Variants in EBF1 observed in about 807,000 individuals in gnomAD.
The protein encoded by EBF1 is EBF transcription factor 1.
Under a neutral mutation model 68.4 loss-of-function variants are expected in EBF1, and 10 were observed. The observed-to-expected ratio is 0.15, with a 90% CI of 0.09 to 0.25. The LOEUF (loss-of-function observed/expected upper bound fraction) is 0.25, where lower values mean the gene tolerates loss of function less well. Among genes scored for constraint, EBF1 ranks in the 10% least tolerant of loss-of-function variants. The pLI is 1.00. For synonymous variants in EBF1, 298 were observed against 299.8 expected, an observed-to-expected ratio of 0.99 and a Z score of 0.06; for missense variants, 509 against 794.4, an observed-to-expected ratio of 0.64 and a Z score of 4.32.
At chr5:158,923,260 T>C (rs1808837692) in intron 6 of EBF1, among the ~76,000 whole-genome samples, 2 of 152,250 alleles carry the variant, frequency 1.3e-5, no homozygotes, top group African/African-American at 4.8e-5. Flanking sequence ...AACAGCTGCC[T>C]GAAAAGCTTC....
At chr5:158,881,483 G>A (rs1236854482) in intron 6 of EBF1, among the ~76,000 whole-genome samples, 1 of 152,194 alleles carries the variant, frequency 6.6e-6, no homozygotes, top group African/African-American at 2.4e-5. Flanking sequence ...CTCCTCCTCT[G>A]TGTTAGTACA....
At chr5:158,741,651 C>T (rs542488962) in intron 10 of EBF1, among the ~76,000 whole-genome samples, 1 of 151,466 alleles carries the variant, frequency 6.6e-6, no homozygotes, top group African/African-American at 2.4e-5. Context: ...TATACAGTAT[C>T]TGATGTACTT....
intron 8 of EBF1, among the ~76,000 whole-genome samples, chr5:158,799,938 A>T (rs990505750): frequency 6.6e-6 from 1 of 152,082 alleles, no homozygotes; most frequent in African/African-American, 2.4e-5. Context: ...GCTGGCTTTA[A>T]CTCACAGGCT....
chr5:158,921,764 T>A (rs531311083), intron 6 of EBF1, among the ~76,000 whole-genome samples: 1 of 152,184 alleles, frequency 6.6e-6, no homozygotes, highest in Non-Finnish European at 1.5e-5. Context: ...TGGTCTGAGA[T>A]CTTCAACACC....
At chr5:158,833,332 A>T (rs1005123267) in intron 7 of EBF1, among the ~76,000 whole-genome samples, 1 of 151,586 alleles carries the variant, frequency 6.6e-6, no homozygotes, top group Non-Finnish European at 1.5e-5. Flanking sequence ...AGAGGTTTTC[A>T]TCTCCCACCC....
chr5:158,982,013 T>G (rs564225490), intron 6 of EBF1, among the ~76,000 whole-genome samples: 1 of 152,338 alleles, frequency 6.6e-6, no homozygotes, highest in African/African-American at 2.4e-5. Flanking sequence ...TCCAGTTCAC[T>G]CAATCAGAAC....
At chr5:159,068,965 A>G (rs1249341420) in intron 6 of EBF1, among the ~76,000 whole-genome samples, 1 of 152,134 alleles carries the variant, frequency 6.6e-6, no homozygotes, top group Non-Finnish European at 1.5e-5. Flanking sequence ...ACATAGATAC[A>G]GGAATTCTTA....
chr5:158,737,912 T>C (rs1167734033), intron 10 of EBF1, among the ~76,000 whole-genome samples: 1 of 152,144 alleles, frequency 6.6e-6, no homozygotes, highest in African/African-American at 2.4e-5. Flanking sequence ...TAACAATTCT[T>C]GGAGAAGTAA....
At position 158,780,741 on chromosome 5, in the gene EBF1, A is replaced by G. The variant is rs141484229; in HGVS notation, c.910-3202T>C. Among the ~76,000 whole-genome samples the G allele has an allele frequency of 2.2e-3, 332 of 152,282 alleles. 4 individuals carry two copies. The highest frequency in any genetic ancestry group is 7.8e-3 in the African/African-American group (325 of 41,582). On this transcript the variant is annotated intron_variant, in intron 9 of 15. Transcript: ENST00000313708. ...CTTTATCCCTTTAATAAAAATCATAATTATGGAATAAAACAAAGATTAAAA... is the reference window on the plus strand; with the variant it reads ...CTTTATCCCTTTAATAAAAATCATAGTTATGGAATAAAACAAAGATTAAAA...
chr5:158,835,949 G>T lies in EBF1; in HGVS notation c.636+4080C>A, dbSNP rs145741210. Among the ~76,000 whole-genome samples, 457 of 152,148 alleles carry T rather than the reference G, an allele frequency of 3.0e-3. 4 individuals carry two copies. Among genetic ancestry groups the T allele is most frequent in the African/African-American group, 0.011 (443 of 41,500 alleles). ...AAATGTTAGCTTTATCATCATCATC[G>T]CTACCAATATCGATAGAAGCACATA... is the stretch of plus-strand genomic sequence containing the variant. On this transcript the variant is annotated intron_variant, in intron 7 of 15. Transcript: ENST00000313708.
intron 6 of EBF1, among the ~76,000 whole-genome samples, chr5:158,901,829 G>A (rs892433824): frequency 9.2e-5 from 14 of 152,146 alleles, no homozygotes; most frequent in Admixed American, 2.0e-4. Context: ...GGTGGCTCAC[G>A]CCTGTAATAC....
intron 6 of EBF1, among the ~76,000 whole-genome samples, chr5:159,062,561 A>AG (rs1197057238): frequency 6.6e-6 from 1 of 152,198 alleles, no homozygotes; most frequent in African/African-American, 2.4e-5. Context: ...CCTGCCTGAA[A>AG]GAAAAACTGG....
At chr5:158,906,468 A>G (rs994512015) in intron 6 of EBF1, among the ~76,000 whole-genome samples, 1 of 152,160 alleles carries the variant, frequency 6.6e-6, no homozygotes, top group Non-Finnish European at 1.5e-5. Context: ...AGGTGCTGTC[A>G]CTTACCTGAA....
intron 6 of EBF1, among the ~76,000 whole-genome samples, chr5:158,989,558 CG>C (rs1191344217): frequency 1.3e-5 from 2 of 152,158 alleles, no homozygotes; most frequent in African/African-American, 2.4e-5. Context: ...AGAAACCTGG[CG>C]GGGACACAGC....
chr5:159,096,852 AC>A (rs1390759745), intron 2 of EBF1, 121 bp downstream of exon 2: 19 of 1,290,314 alleles, frequency 1.5e-5, no homozygotes, highest in Non-Finnish European at 2.0e-5. Flanking sequence ...GGCTTGGGGG[AC>A]CCCCACATAG....
chr5:158,950,702 C>T (rs34413969), intron 6 of EBF1, among the ~76,000 whole-genome samples: 79,788 of 152,002 alleles, frequency 0.52, 21,423 homozygotes, highest in South Asian at 0.7. Flanking sequence ...AAATGAGTGG[C>T]GGGAACCATC....
chr5:158,761,110 T>C (rs1023573431), intron 10 of EBF1, among the ~76,000 whole-genome samples: 4 of 152,186 alleles, frequency 2.6e-5, no homozygotes, highest in African/African-American at 4.8e-5. Context: ...AGAGGCAGGA[T>C]TGATCAGCAC....
intron 10 of EBF1, among the ~76,000 whole-genome samples, chr5:158,737,818 C>G (rs1765535268): frequency 1.3e-5 from 2 of 152,106 alleles, no homozygotes. Flanking sequence ...TGAAACAAAG[C>G]AGGGGCACTC....
intron 9 of EBF1, among the ~76,000 whole-genome samples, chr5:158,782,245 T>C (rs1776581442): frequency 6.6e-6 from 1 of 152,212 alleles, no homozygotes; most frequent in South Asian, 2.1e-4. Flanking sequence ...ATGATATTGA[T>C]ACTATAATAC....
Sources: gnomAD v4.1 joint callset for allele counts (sites outside exome capture counted in the v4.1 genomes callset) on GRCh38, gnomAD v4.1.1 for gene constraint, MANE v1.5 for transcripts, NCBI Gene and HGNC (gene_info 2026-07-23, HGNC 2026-07-21) for gene names.